WASF1: variants seen among roughly 807,000 people sequenced by gnomAD.
WASF1 encodes WASP family member 1, also known as actin-binding protein WASF1.
Under a neutral mutation model 50.5 loss-of-function variants are expected in WASF1, and 7 were observed. That is an observed-to-expected ratio of 0.14 (90% CI 0.08 to 0.26). WASF1 has a LOEUF of 0.26. Among genes scored for constraint, WASF1 ranks in the 10% least tolerant of loss-of-function variants. The pLI, the probability that WASF1 is intolerant of heterozygous loss-of-function variation, is 1.00. For synonymous variants in WASF1, 205 were observed against 244.0 expected, an observed-to-expected ratio of 0.84 and a Z score of 1.49; for missense variants, 470 against 694.7, an observed-to-expected ratio of 0.68 and a Z score of 3.64.
At position 110,113,404 on chromosome 6, in the gene WASF1, A is replaced by C; in HGVS notation, c.190T>G (p.Phe64Val). The C allele has an allele frequency of 6.2e-7, 1 of 1,604,606 alleles. No individual in the cohort carries two copies. The highest frequency in any genetic ancestry group is 8.5e-7 in the Non-Finnish European group (1 of 1,175,950). Residue 64 changes from phenylalanine to valine, a missense_variant, in exon 5 of 11, where the codon TTC (phenylalanine) becomes GTC (valine). Physicochemically the swap from Phe to Val is conservative, Grantham distance 50. Coordinates refer to ENST00000392589, the MANE Select transcript of WASF1 (RefSeq NM_003931.3). ...ELFNEAHSFS[F>V]RVNSLQERVD... ...CGTTCTTGCAATGAGTTGACTCTGAAGGAAAAACTATGTGCTTCATTGAAT... is the reference window on the plus strand; with the variant it reads ...CGTTCTTGCAATGAGTTGACTCTGACGGAAAAACTATGTGCTTCATTGAAT...
chr6:110,105,015 A>G (rs891161152), intron 8 of WASF1, among the ~76,000 whole-genome samples: 2 of 152,208 alleles, frequency 1.3e-5, no homozygotes, highest in African/African-American at 4.8e-5. Flanking sequence ...AAAAGGAACA[A>G]AACAGAACCC....
intron 4 of WASF1, among the ~76,000 whole-genome samples, chr6:110,122,556 ACTC>A (rs1774188580): frequency 6.6e-6 from 1 of 152,056 alleles, no homozygotes; most frequent in African/African-American, 2.4e-5. Context: ...AGCAAGACAA[ACTC>A]CTCCTTTTCC....
chr6:110,167,155 C>A (rs947618404), intron 2 of WASF1, among the ~76,000 whole-genome samples: 1 of 141,638 alleles, frequency 7.1e-6, no homozygotes, highest in Non-Finnish European at 1.5e-5. Flanking sequence ...TGTGGTGATA[C>A]TGGAAAAAAA....
chr6:110,103,274 A>G, intron 9 of WASF1, 104 bp downstream of exon 9: 1 of 1,305,892 alleles, frequency 7.7e-7, no homozygotes, highest in Non-Finnish European at 1.0e-6. Context: ...TACTTGTGAC[A>G]AAAACTGTAA....
At chr6:110,151,372 T>C (rs1775815804) in intron 3 of WASF1, among the ~76,000 whole-genome samples, 1 of 152,190 alleles carries the variant, frequency 6.6e-6, no homozygotes, top group South Asian at 2.1e-4. Context: ...TTCCAAAATC[T>C]TTGGCCACAA....
chr6:110,108,756 T>G (rs1391638228), intron 5 of WASF1, 75 bp from the exon 6 acceptor site: 1 of 1,419,460 alleles, frequency 7.0e-7, no homozygotes, highest in South Asian at 1.3e-5. Flanking sequence ...TTCACATACT[T>G]TATTTGTCTA....
chr6:110,116,866 CTGGTGGTGATACCCAGGCA>C, intron 4 of WASF1, among the ~76,000 whole-genome samples: 1 of 152,274 alleles, frequency 6.6e-6, no homozygotes, highest in South Asian at 2.1e-4. Flanking sequence ...TCTGCAGCCT[CTGGTGGTGATACCCAGGCA>C]AACAGGGTCT....
intron 3 of WASF1, among the ~76,000 whole-genome samples, chr6:110,146,728 C>A (rs1307259082): frequency 2.0e-5 from 3 of 151,976 alleles, no homozygotes; most frequent in African/African-American, 7.2e-5. Context: ...TTATTGTAAA[C>A]TAAAAAACTG....
chr6:110,129,662 C>T (rs1298503599), intron 3 of WASF1, among the ~76,000 whole-genome samples: 1 of 151,494 alleles, frequency 6.6e-6, no homozygotes, highest in African/African-American at 2.5e-5. Flanking sequence ...AGAAAAGATG[C>T]TCACTTTGCT....
chr6:110,116,742 GT>G (rs1562166472), intron 4 of WASF1, among the ~76,000 whole-genome samples: 2 of 152,070 alleles, frequency 1.3e-5, no homozygotes, highest in Admixed American at 1.3e-4. Context: ...CCTGACCCCC[GT>G]GTAGCCTGAC....
chr6:110,133,462 C>T (rs897279900), intron 3 of WASF1, among the ~76,000 whole-genome samples: 7 of 152,122 alleles, frequency 4.6e-5, no homozygotes, highest in Non-Finnish European at 1.0e-4. Context: ...AAGGAATCTC[C>T]ACACTGTTCT....
At chr6:110,119,561 CA>C (rs940203700) in intron 4 of WASF1, among the ~76,000 whole-genome samples, 6 of 151,916 alleles carry the variant, frequency 3.9e-5, no homozygotes, top group Non-Finnish European at 7.4e-5. Context: ...GCCTACCAAC[CA>C]AAAAAAGCCC....
chr6:110,100,476 A>C lies in WASF1; in HGVS notation c.*46T>G, dbSNP rs779531535. 1 of 1,551,648 alleles carries C rather than the reference A, an allele frequency of 6.4e-7. No homozygotes were observed. Among genetic ancestry groups the C allele is most frequent in the Non-Finnish European group, 8.8e-7 (1 of 1,142,338 alleles). On this transcript the variant is annotated 3_prime_UTR_variant, in exon 11 of 11. Coordinates refer to ENST00000392589, the MANE Select transcript of WASF1 (RefSeq NM_003931.3). ...ACATTTTCAAGGAACAAGCACCACA[A>C]AGGACATTTGCATTCAGTTTTGTAA...
chr6:110,123,270 A>G (rs1774221314), intron 4 of WASF1, among the ~76,000 whole-genome samples: 1 of 152,120 alleles, frequency 6.6e-6, no homozygotes, highest in Non-Finnish European at 1.5e-5. Context: ...TATCTGTCCC[A>G]GGGATGCCCA....
intron 8 of WASF1, 85 bp from the exon 9 acceptor site, chr6:110,103,642 T>A: frequency 8.1e-7 from 1 of 1,231,538 alleles, no homozygotes; most frequent in Non-Finnish European, 1.1e-6. Context: ...TATTTAAAGT[T>A]TATCCTTTCA....
intron 7 of WASF1, among the ~76,000 whole-genome samples, chr6:110,106,700 G>C (rs1410060252): frequency 1.3e-5 from 2 of 152,178 alleles, no homozygotes; most frequent in Non-Finnish European, 2.9e-5. Context: ...ATCTGTACAA[G>C]ATTCCATTGC....
chr6:110,113,446 C>A lies in WASF1; in HGVS notation c.148G>T (p.Asp50Tyr). The A allele has an allele frequency of 1.3e-6, 2 of 1,596,708 alleles. No homozygotes were observed. The highest frequency in any genetic ancestry group is 1.1e-5 in the South Asian group (1 of 87,304). ...TCATTGAATAATTCTCCAAATATAT[C>A]TTCAGCATATTTACCTAAGCAAAAA... The part of the protein sequence containing the change: ...QLSSLSKYAE[D>Y]IFGELFNEAH... Residue 50 changes from aspartate (D) to tyrosine (Y), a missense_variant, in exon 5 of 11, where the codon GAT (aspartate) becomes TAT (tyrosine). Around this residue, in one of 3 missense-constraint regions of WASF1, gnomAD observed 140 missense variants for 260.5 expected, o/e 0.54. Coordinates refer to ENST00000392589, the MANE Select transcript of WASF1 (RefSeq NM_003931.3).
chr6:110,116,462 G>A (rs1311792440), intron 4 of WASF1, among the ~76,000 whole-genome samples: 1 of 152,126 alleles, frequency 6.6e-6, no homozygotes, highest in Admixed American at 6.5e-5. Context: ...AACCTGTGAC[G>A]CTGCAGCTTG....
chr6:110,154,107 G>A (rs529738654), intron 3 of WASF1, among the ~76,000 whole-genome samples: 4 of 152,198 alleles, frequency 2.6e-5, no homozygotes, highest in African/African-American at 7.2e-5. Context: ...GAGGAAGTGA[G>A]GTTCTACAAA....
Sources: allele counts gnomAD v4.1 joint callset (sites outside exome capture counted in the v4.1 genomes callset), GRCh38; gene constraint gnomAD v4.1.1; regional missense constraint gnomAD v4.1.1; transcripts MANE v1.5; gene names NCBI Gene and HGNC (gene_info 2026-07-23, HGNC 2026-07-21).